Variants in ZNF407 observed in about 807,000 individuals in gnomAD.
The protein encoded by ZNF407 is zinc finger protein 407.
Under a neutral mutation model 131.2 loss-of-function variants are expected in ZNF407, and 17 were observed. The observed-to-expected ratio is 0.13, with a 90% CI of 0.09 to 0.19. The LOEUF is 0.19. Ranked by LOEUF, ZNF407 falls within the 10% of genes least tolerant of loss-of-function variation. The pLI, the probability that ZNF407 is intolerant of heterozygous loss-of-function variation, is 1.00. For missense variants in ZNF407, 2,681 were observed against 2,830.6 expected, an observed-to-expected ratio of 0.95 and a Z score of 1.20; for synonymous variants, 1,156 against 1,062.0, an observed-to-expected ratio of 1.09 and a Z score of -1.72.
intron 4 of ZNF407, among the ~76,000 whole-genome samples, chr18:74,835,951 G>A (rs1166067821): frequency 6.6e-6 from 1 of 150,572 alleles, no homozygotes; most frequent in Non-Finnish European, 1.5e-5. Context: ...TGAATGTATC[G>A]CAGGCTAGTG....
At chr18:74,740,040 G>A (rs941661893) in intron 3 of ZNF407, among the ~76,000 whole-genome samples, 2 of 152,088 alleles carry the variant, frequency 1.3e-5, no homozygotes, top group Admixed American at 1.3e-4. Context: ...ACCACATATG[G>A]GGTGTCTTCA....
At chr18:74,918,974 C>A (rs1299365569) in intron 7 of ZNF407, among the ~76,000 whole-genome samples, 1 of 152,090 alleles carries the variant, frequency 6.6e-6, no homozygotes, top group Non-Finnish European at 1.5e-5. Context: ...GGAACTTTTC[C>A]AAAGGACTGT....
chr18:74,660,119 T>C (rs946257016), intron 3 of ZNF407, among the ~76,000 whole-genome samples: 26 of 152,204 alleles, frequency 1.7e-4, no homozygotes, highest in Admixed American at 7.8e-4. Flanking sequence ...CAAAATCCAA[T>C]AAATATGTAG....
intron 4 of ZNF407, among the ~76,000 whole-genome samples, chr18:74,848,222 G>A (rs1474777934): frequency 6.6e-6 from 1 of 152,158 alleles, no homozygotes; most frequent in Non-Finnish European, 1.5e-5. Context: ...GAGAAACGTT[G>A]AGAAGAACTG....
intron 8 of ZNF407, among the ~76,000 whole-genome samples, chr18:74,923,277 C>G (rs1306224144): frequency 6.7e-6 from 1 of 149,590 alleles, no homozygotes; most frequent in Non-Finnish European, 1.5e-5. Flanking sequence ...TATTCCATTT[C>G]CAGGTAGTTT....
chr18:74,599,560 A>ATTTTAGTG (rs1156917939), intron 1 of ZNF407, among the ~76,000 whole-genome samples: 5 of 152,282 alleles, frequency 3.3e-5, no homozygotes, highest in East Asian at 3.9e-4. Context: ...TAAAATAGAG[A>ATTTTAGTG]TGTGGGAGCA....
chr18:74,962,823 T>A (rs1288940861), intron 8 of ZNF407, among the ~76,000 whole-genome samples: 1 of 152,204 alleles, frequency 6.6e-6, no homozygotes, highest in Non-Finnish European at 1.5e-5. Context: ...GCTGTCCAGC[T>A]CTCCTACTGT....
chr18:75,051,000 C>T (rs778694107), intron 8 of ZNF407, among the ~76,000 whole-genome samples: 6 of 151,934 alleles, frequency 3.9e-5, no homozygotes, highest in South Asian at 4.1e-4. Context: ...ATACTTATTA[C>T]GGCCTATTAT....
chr18:74,749,324 T>A (rs1968744650), intron 3 of ZNF407, among the ~76,000 whole-genome samples: 1 of 152,158 alleles, frequency 6.6e-6, no homozygotes, highest in South Asian at 2.1e-4. Flanking sequence ...TATATTTTCT[T>A]CACATCCCCC....
At chr18:74,832,306 A>C (rs1464756306) in intron 4 of ZNF407, among the ~76,000 whole-genome samples, 1 of 152,124 alleles carries the variant, frequency 6.6e-6, no homozygotes, top group Non-Finnish European at 1.5e-5. Context: ...AGATCGTCAG[A>C]TTTATCTTGT....
chr18:74,658,935 T>A lies in ZNF407; in HGVS notation c.4802+17813T>A, dbSNP rs1985597611. Among the ~76,000 whole-genome samples the A allele has an allele frequency of 2.0e-5, 3 of 152,196 alleles. No homozygotes were observed. In the South Asian group the frequency reaches 6.2e-4, roughly 31 times the overall value. On this transcript the variant is annotated intron_variant, in intron 3 of 8. Transcript: ENST00000299687. Reference sequence around the variant, plus strand: ...TTAAAACATTATATATCTATCTATATATATATTCTTCAGATTGTGTAATTA... The same window carrying A: ...TTAAAACATTATATATCTATCTATAAATATATTCTTCAGATTGTGTAATTA...
chr18:74,806,057 A>C (rs146883192), intron 4 of ZNF407, among the ~76,000 whole-genome samples: 1,638 of 152,340 alleles, frequency 0.011, 19 homozygotes, highest in Non-Finnish European at 0.018. Flanking sequence ...TATACACTAG[A>C]ACTTGGGAAA....
intron 8 of ZNF407, among the ~76,000 whole-genome samples, chr18:74,993,026 T>G (rs1168887613): frequency 2.0e-5 from 3 of 152,196 alleles, no homozygotes; most frequent in East Asian, 3.9e-4. Flanking sequence ...TGGGCATTGC[T>G]GGTAGTACTG....
chr18:74,790,589 T>C (rs986865656), intron 4 of ZNF407, among the ~76,000 whole-genome samples: 14 of 152,216 alleles, frequency 9.2e-5, no homozygotes, highest in African/African-American at 3.4e-4. Context: ...CTGGGGCTTA[T>C]ACAGCTGGAC....
chr18:74,764,449 C>T (rs530767502), intron 3 of ZNF407, among the ~76,000 whole-genome samples: 1 of 152,336 alleles, frequency 6.6e-6, no homozygotes, highest in African/African-American at 2.4e-5. Flanking sequence ...CATCTCTCTA[C>T]AGTCGATCCT....
chr18:74,822,081 G>C (rs1043544544), intron 4 of ZNF407, among the ~76,000 whole-genome samples: 1 of 152,162 alleles, frequency 6.6e-6, no homozygotes, highest in African/African-American at 2.4e-5. Context: ...CTTTTGAGAA[G>C]TGTCTGTTCA....
At chr18:75,007,656 T>C (rs1972927459) in intron 8 of ZNF407, among the ~76,000 whole-genome samples, 1 of 152,238 alleles carries the variant, frequency 6.6e-6, no homozygotes, top group Non-Finnish European at 1.5e-5. Context: ...TTAGAATCGA[T>C]ATCTAAATAA....
chr18:74,966,066 C>G (rs2145297779), intron 8 of ZNF407, among the ~76,000 whole-genome samples: 1 of 151,982 alleles, frequency 6.6e-6, no homozygotes, highest in Middle Eastern at 3.4e-3. Flanking sequence ...GTTATTAATC[C>G]CTTGTCAGAT....
chr18:74,768,198 C>A (rs1969284849), intron 3 of ZNF407, among the ~76,000 whole-genome samples: 1 of 152,106 alleles, frequency 6.6e-6, no homozygotes, highest in African/African-American at 2.4e-5. Context: ...GACAGGTTGG[C>A]ACATCTCGCC....
Sources: gnomAD v4.1 joint callset for allele counts (sites outside exome capture counted in the v4.1 genomes callset) on GRCh38, gnomAD v4.1.1 for gene constraint, MANE v1.5 for transcripts, NCBI Gene and HGNC (gene_info 2026-07-23, HGNC 2026-07-21) for gene names.